CDC42EP4: variants seen among roughly 807,000 people sequenced by gnomAD.
CDC42EP4 encodes the protein CDC42 effector protein (Rho GTPase binding) 4.
A neutral mutation model predicts 5.6 loss-of-function variants in CDC42EP4; 6 were observed. The observed-to-expected ratio is 1.07, with a 90% CI of 0.59 to 2.12. The LOEUF is 2.12. Ranked by LOEUF, CDC42EP4 falls within the 30% of genes most tolerant of loss-of-function variation. The pLI is 0.00. For missense variants in CDC42EP4, 490 were observed against 508.6 expected (o/e 0.96, Z 0.35); for synonymous variants, 230 against 224.2 (o/e 1.03, Z -0.23).
intron 1 of CDC42EP4, among the ~76,000 whole-genome samples, chr17:73,288,744 AC>A: frequency 6.7e-6 from 1 of 150,206 alleles, no homozygotes; most frequent in African/African-American, 2.5e-5. Flanking sequence ...CTGCATCCTC[AC>A]CCCCATCCGC....
In CDC42EP4 at chr17:73,286,218, C is replaced by T. The variant is rs982214893; in HGVS notation, c.283G>A (p.Gly95Arg). 3 of 1,614,066 alleles carry T rather than the reference C, an allele frequency of 1.9e-6. No homozygotes were observed. The African/African-American group carries it at 4.0e-5, about 22-fold the overall frequency. Reference sequence around the variant, plus strand: ...AGCATGTCACGCTGCTCCCGCTCCCCCCTGGTCACCGACTGTGACCGCTTG... The same window carrying T: ...AGCATGTCACGCTGCTCCCGCTCCCTCCTGGTCACCGACTGTGACCGCTTG... ...GSKRSQSVTR[G>R]EREQRDMLGS... The change falls in exon 2 of 2, where the codon GGG becomes AGG. Residue 95 changes from glycine to arginine, a missense_variant. By Grantham distance (125) the Gly-to-Arg change is moderately radical (BLOSUM62 -2). Transcript: ENST00000335793. The surrounding 1 kb of genome is among the most constrained non-coding windows in gnomAD (Gnocchi z 7.7).
At chr17:73,300,380 AG>A (rs201087209) in intron 1 of CDC42EP4, among the ~76,000 whole-genome samples, 1 of 152,128 alleles carries the variant, frequency 6.6e-6, no homozygotes, top group African/African-American at 2.4e-5. Context: ...TCTACTGGGA[AG>A]GGGGGTGAAT....
intron 1 of CDC42EP4, among the ~76,000 whole-genome samples, chr17:73,290,882 G>A (rs2062158222): frequency 6.6e-6 from 1 of 152,224 alleles, no homozygotes; most frequent in Non-Finnish European, 1.5e-5. Context: ...GGAAACCACA[G>A]ACCCGGCTCC....
At chr17:73,311,835 C>A (rs1449200216) in intron 1 of CDC42EP4, 58 bp downstream of exon 1, 1 of 152,276 alleles carries the variant, frequency 6.6e-6, no homozygotes, top group Non-Finnish European at 1.5e-5. Context: ...CCAAGCCCAC[C>A]CAGGGCACCC....
intron 1 of CDC42EP4, among the ~76,000 whole-genome samples, chr17:73,302,293 C>T (rs983361414): frequency 5.9e-5 from 9 of 152,158 alleles, no homozygotes; most frequent in Admixed American, 5.9e-4. Context: ...TCCTCCATTC[C>T]TCATTATCTC....
chr17:73,307,449 T>TTC (rs1369028204), intron 1 of CDC42EP4: 3 of 137,092 alleles, frequency 2.2e-5, no homozygotes, highest in South Asian at 4.4e-4. Flanking sequence ...CTTTCTTTCT[T>TTC]TTTTTTTTTT....
rs377292744 is a variant in CDC42EP4 at position 73,285,540 on chromosome 17, G to C, written c.961C>G (p.Arg321Gly). The change falls in exon 2 of 2, where the codon CGC (arginine) becomes GGC (glycine). Residue 321 changes from arginine (R) to glycine (G), a missense_variant. Arg to Gly is a moderately radical substitution (Grantham distance 125). Coordinates refer to ENST00000335793, the MANE Select transcript of CDC42EP4 (RefSeq NM_012121.5). This position sits in a 1 kb window ranked among gnomAD's most constrained non-coding sequence, Gnocchi z 6.8. The stretch of plus-strand genomic sequence containing the variant: ...TCCGGCCCCCGGAAGGCAGGGCTGC[G>C]CTCCTCCAGGATGCCTGAGGTGCAG... ...SSCTSGILEERSPAFRGPDRA... is the reference protein window; with the variant it reads ...SSCTSGILEEGSPAFRGPDRA... 1 of 1,611,718 alleles carries C rather than the reference G, an allele frequency of 6.2e-7. No homozygotes were observed. Among genetic ancestry groups the C allele is most frequent in the Non-Finnish European group, 8.5e-7 (1 of 1,179,426 alleles).
At chr17:73,299,496 CA>C (rs2062207700) in intron 1 of CDC42EP4, among the ~76,000 whole-genome samples, 1 of 149,716 alleles carries the variant, frequency 6.7e-6, no homozygotes, top group African/African-American at 2.5e-5. Flanking sequence ...GTAGAGATGG[CA>C]TCTCGCTTTG....
chr17:73,285,316 T>G lies in CDC42EP4; in HGVS notation c.*114A>C. The G allele has an allele frequency of 2.4e-6, 2 of 824,624 alleles. No homozygotes were observed. The highest frequency in any genetic ancestry group is 1.9e-6 in the Non-Finnish European group (1 of 520,256). The allele number at this position is 824,624 out of a possible 1,614,324, so 51.1% of individuals were successfully genotyped here. ...CCTCATCTACAAGGTCCAGGGTCCATGGTCTGAATCAAGGGTCCTGGCTGC... is the reference window on the plus strand; with the variant it reads ...CCTCATCTACAAGGTCCAGGGTCCAGGGTCTGAATCAAGGGTCCTGGCTGC... On this transcript the variant is annotated 3_prime_UTR_variant, in exon 2 of 2. Transcript: ENST00000335793. This position sits in a 1 kb window ranked among gnomAD's most constrained non-coding sequence, Gnocchi z 6.8.
Position 73,285,636 on chromosome 17 carries a change from C to T in CDC42EP4, c.865G>A (p.Ala289Thr), listed in dbSNP as rs761753468. The T allele has an allele frequency of 2.5e-6, 4 of 1,598,376 alleles. No individual in the cohort carries two copies. The highest frequency in any genetic ancestry group is 2.6e-6 in the Non-Finnish European group (3 of 1,171,046). Residue 289 changes from alanine to threonine, a missense_variant, in exon 2 of 2, where the codon GCG becomes ACG. Coordinates refer to ENST00000335793, the MANE Select transcript of CDC42EP4 (RefSeq NM_012121.5). This position sits in a 1 kb window ranked among gnomAD's most constrained non-coding sequence, Gnocchi z 6.8. ...HALEDEGWAA[A>T]APSPGSARSM... ...CGGGCTGAGCCGGGGCTGGGGGCCG[C>T]TGCTGCCCACCCCTCATCCTCCAGA...
In CDC42EP4 at chr17:73,285,445, A is replaced by C. The variant is rs1568339153; in HGVS notation, c.1056T>G (p.Asp352Glu). 1 of 1,554,646 alleles carries C rather than the reference A, an allele frequency of 6.4e-7. No individual in the cohort carries two copies. Among genetic ancestry groups the C allele is most frequent in the Non-Finnish European group, 8.7e-7 (1 of 1,146,130 alleles). The change falls in exon 2 of 2, where the codon GAT (aspartate) becomes GAG (glutamate). Residue 352 changes from aspartate to glutamate, a missense_variant. Transcript: ENST00000335793. The surrounding 1 kb of genome is among the most constrained non-coding windows in gnomAD (Gnocchi z 6.8). ...EFSFMDEEEE[D>E]EIRV ...ACTGTCCGCCTCACACACGGATTTC[A>C]TCCTCCTCCTCCTCATCCATGAAGG...
At chr17:73,301,181 C>T (rs73360812) in intron 1 of CDC42EP4, among the ~76,000 whole-genome samples, 2,414 of 152,006 alleles carry the variant, frequency 0.016, 68 homozygotes, top group African/African-American at 0.055. Flanking sequence ...ATATTTTAGA[C>T]TGATGTGTTA....
chr17:73,306,330 TA>T (rs56874446), intron 1 of CDC42EP4, among the ~76,000 whole-genome samples: 2,369 of 133,700 alleles, frequency 0.018, 38 homozygotes, highest in African/African-American at 0.042. Context: ...ACCCTGTCTC[TA>T]AAAAAAAAAA....
chr17:73,307,623 AC>A (rs1288575215), intron 1 of CDC42EP4, among the ~76,000 whole-genome samples: 1 of 150,556 alleles, frequency 6.6e-6, no homozygotes, highest in East Asian at 1.9e-4. Context: ...AATTTTTTGT[AC>A]TTTTTAGTAG....
intron 1 of CDC42EP4, among the ~76,000 whole-genome samples, chr17:73,297,041 C>T (rs947937948): frequency 6.1e-5 from 9 of 147,056 alleles, no homozygotes; most frequent in Non-Finnish European, 1.0e-4. Context: ...CACCTGTAAT[C>T]CCAGCACTTT....
chr17:73,284,546 C>T lies in CDC42EP4; in HGVS notation c.*884G>A, dbSNP rs2062119540. ...CCCCAGACTCCAGTCCGCTAATCGC[C>T]ACCAGACTCCAGTCCGCTAATCGCC... On this transcript the variant is annotated 3_prime_UTR_variant, in exon 2 of 2. Coordinates refer to ENST00000335793, the MANE Select transcript of CDC42EP4 (RefSeq NM_012121.5). The T allele has an allele frequency of 6.6e-6, 1 of 151,624 alleles. No individual in the cohort carries two copies. The highest frequency in any genetic ancestry group is 1.5e-5 in the Non-Finnish European group (1 of 67,966). The allele number at this position is 151,624 out of a possible 1,614,324, so 9.4% of individuals were successfully genotyped here.
At chr17:73,308,020 G>T (rs1599444458) in intron 1 of CDC42EP4, among the ~76,000 whole-genome samples, 2 of 152,274 alleles carry the variant, frequency 1.3e-5, no homozygotes, top group African/African-American at 4.8e-5. Context: ...GAGATTACAG[G>T]CGTGAGCCAC....
rs8066266 is a variant in CDC42EP4 at position 73,286,411 on chromosome 17, C to T, written c.90G>A (p.Pro30=). 2,942 of 1,613,796 alleles carry T rather than the reference C, an allele frequency of 1.8e-3. 31 individuals are homozygous for T. In the African/African-American group the frequency reaches 0.031, roughly 17 times the overall value. The part of the protein sequence containing the change: ...ADLTAEMISA[P]LGDFRHTMHV... ...GCATGGTGTGGCGGAAGTCGCCCAG[C>T]GGGGCGCTGATCATCTCGGCCGTGA... Residue 30 remains proline (P), a synonymous_variant, in exon 2 of 2, where the codon CCG becomes CCA. Transcript: ENST00000335793. This position sits in a 1 kb window ranked among gnomAD's most constrained non-coding sequence, Gnocchi z 7.7.
At position 73,285,369 on chromosome 17, in the gene CDC42EP4, G is replaced by C; in HGVS notation, c.*61C>G. ...CTGCGCCGTAGGGTCAAAGGTCATA[G>C]TGGGGTGGGGGCAGGGAGAAGATGC... On this transcript the variant is annotated 3_prime_UTR_variant, in exon 2 of 2. Coordinates refer to ENST00000335793, the MANE Select transcript of CDC42EP4 (RefSeq NM_012121.5). This position sits in a 1 kb window ranked among gnomAD's most constrained non-coding sequence, Gnocchi z 6.8. 1 of 1,358,224 alleles carries C rather than the reference G, an allele frequency of 7.4e-7. No individual in the cohort carries two copies. The highest frequency in any genetic ancestry group is 1.0e-6 in the Non-Finnish European group (1 of 985,586). The allele number at this position is 1,358,224 out of a possible 1,614,324, so 84.1% of individuals were successfully genotyped here. A position where few individuals can be genotyped will look rare whatever the true frequency, so the allele number is the denominator to read the frequency against.
Sources: allele counts gnomAD v4.1 joint callset (sites outside exome capture counted in the v4.1 genomes callset), GRCh38; gene constraint gnomAD v4.1.1; non-coding constraint Gnocchi (gnomAD v3.1); transcripts MANE v1.5; gene names NCBI Gene and HGNC (gene_info 2026-07-23, HGNC 2026-07-21).